The following KCNU1 variants were observed in gnomAD, a reference collection of about 807,000 sequenced individuals.
The protein encoded by KCNU1 is potassium calcium-activated channel subfamily U member 1, also known as potassium channel subfamily U member 1.
A neutral mutation model predicts 126.8 loss-of-function variants in KCNU1; 93 were observed. The ratio of observed to expected loss-of-function variants is 0.73; its 90% CI spans 0.62 to 0.87. KCNU1 has a LOEUF of 0.87. KCNU1 is among the 40% of genes least tolerant of loss of function. The pLI is 0.00. For synonymous variants in KCNU1, 523 were observed against 494.2 expected (o/e 1.06, Z -0.77); for missense variants, 1,330 against 1,367.1 (o/e 0.97, Z 0.43).
At chr8:36,871,687 C>T (rs150175581) in intron 19 of KCNU1, among the ~76,000 whole-genome samples, 1 of 152,140 alleles carries the variant, frequency 6.6e-6, no homozygotes, top group Admixed American at 6.5e-5. Context: ...TTTTAAAAAA[C>T]TAAAAACAAA....
At chr8:36,841,779 A>G (rs1423809438) in intron 16 of KCNU1, among the ~76,000 whole-genome samples, 1 of 152,182 alleles carries the variant, frequency 6.6e-6, no homozygotes, top group Non-Finnish European at 1.5e-5. Context: ...GCTTTTGTTG[A>G]TAGAGTTGAT....
At chr8:36,906,867 C>T (rs559925058) in intron 20 of KCNU1, among the ~76,000 whole-genome samples, 6 of 152,124 alleles carry the variant, frequency 3.9e-5, no homozygotes, top group Non-Finnish European at 7.4e-5. Flanking sequence ...TTATTCTGAA[C>T]TGTACGAAAT....
intron 22 of KCNU1, among the ~76,000 whole-genome samples, chr8:36,913,453 A>G (rs897176612): frequency 6.6e-6 from 1 of 152,178 alleles, no homozygotes; most frequent in Non-Finnish European, 1.5e-5. Flanking sequence ...AGAAAAGGTT[A>G]GAGAAGAATG....
In KCNU1 at chr8:36,840,950, G is replaced by T. The variant is rs1285958052; in HGVS notation, c.1650G>T (p.Met550Ile). The change falls in exon 16 of 27, where the codon ATG (methionine) becomes ATT (isoleucine). Residue 550 changes from methionine (M) to isoleucine (I), a missense_variant. Around this residue, in one of 3 missense-constraint regions of KCNU1, gnomAD observed 1,054 missense variants for 1,053.9 expected, o/e 1.00. Coordinates refer to ENST00000399881, the MANE Select transcript of KCNU1 (RefSeq NM_001031836.3). Reference sequence around the variant, plus strand: ...TTCCCAGGCTCTGCTTTCTGAAGATGCACCTCCTGTTGATAGCCATCGAAT... The same window carrying T: ...TTCCCAGGCTCTGCTTTCTGAAGATTCACCTCCTGTTGATAGCCATCGAAT... The part of the protein sequence containing the change: ...PEVARLCFLK[M>I]HLLLIAIEYK... 1 of 1,612,514 alleles carries T rather than the reference G, an allele frequency of 6.2e-7. No homozygotes were observed.
chr8:36,887,460 T>G (rs550706002), intron 19 of KCNU1, among the ~76,000 whole-genome samples: 189 of 150,680 alleles, frequency 1.3e-3, no homozygotes, highest in African/African-American at 3.8e-3. Flanking sequence ...TTGTTTTTTT[T>G]TTTTTTTTTG....
chr8:36,816,944 AAACAACAAC>A (rs148967490), intron 9 of KCNU1, among the ~76,000 whole-genome samples: 1 of 151,666 alleles, frequency 6.6e-6, no homozygotes, highest in Non-Finnish European at 1.5e-5. Context: ...AGAAAAAAAC[AAACAACAAC>A]AACAACAACA....
At chr8:36,788,486 A>G (rs1050576210) in intron 2 of KCNU1, among the ~76,000 whole-genome samples, 4 of 152,210 alleles carry the variant, frequency 2.6e-5, no homozygotes, top group Non-Finnish European at 5.9e-5. Context: ...TGCTGCCATC[A>G]GTTGGTCTTA....
rs369673928 is a variant in KCNU1 at position 36,910,969 on chromosome 8, A to G, written c.2371A>G (p.Ile791Val). The G allele has an allele frequency of 4.3e-6, 7 of 1,613,364 alleles. No individual in the cohort carries two copies. Among genetic ancestry groups the G allele is most frequent in the Non-Finnish European group, 5.9e-6 (7 of 1,179,658 alleles). The change falls in exon 22 of 27, where the codon ATA becomes GTA. Residue 791 changes from isoleucine (I) to valine (V), a missense_variant. Coordinates refer to ENST00000399881, the MANE Select transcript of KCNU1 (RefSeq NM_001031836.3). ...LYSGDLHAAN[I>V]EQCSMCAVLS... Reference sequence around the variant, plus strand: ...TTCTGGAGACCTCCATGCGGCCAACATAGAGCAATGCTCCATGTGTGCTGT... The same window carrying G: ...TTCTGGAGACCTCCATGCGGCCAACGTAGAGCAATGCTCCATGTGTGCTGT...
At chr8:36,926,171 C>T (rs527266998) in intron 24 of KCNU1, among the ~76,000 whole-genome samples, 32 of 152,116 alleles carry the variant, frequency 2.1e-4, no homozygotes, top group Admixed American at 5.9e-4. Context: ...CTGTCAAATA[C>T]GGAAGCTTAG....
At chr8:36,869,070 G>A (rs1438026698) in intron 19 of KCNU1, among the ~76,000 whole-genome samples, 1 of 152,064 alleles carries the variant, frequency 6.6e-6, no homozygotes, top group Non-Finnish European at 1.5e-5. Context: ...TAGTAAAACT[G>A]ATTTTAATTA....
At chr8:36,800,865 C>T (rs1563262440) in intron 2 of KCNU1, among the ~76,000 whole-genome samples, 1 of 152,212 alleles carries the variant, frequency 6.6e-6, no homozygotes. Context: ...CAGTAGAGTT[C>T]AGCAACGTGC....
Position 36,807,535 on chromosome 8 carries a change from TTTC to T in KCNU1, c.656+88_656+90del, listed in dbSNP as rs368228553. Reference sequence around the variant, plus strand: ...TTAACTGGACCCTAAACTCAATGCATTTCTTATCAGAATTTCAGTGCAAAGATC... The same window carrying T: ...TTAACTGGACCCTAAACTCAATGCATTTATCAGAATTTCAGTGCAAAGATC... On this transcript the variant is annotated intron_variant, in intron 6 of 26. Transcript: ENST00000399881. 300 of 963,386 alleles carry T rather than the reference TTTC, an allele frequency of 3.1e-4. 2 individuals carry two copies. In the African/African-American group the frequency reaches 4.0e-3, roughly 13 times the overall value. The allele number at this position is 963,386 out of a possible 1,614,324, so 59.7% of individuals were successfully genotyped here.
At chr8:36,804,002 A>G (rs1803406772) in intron 2 of KCNU1, 25 bp from the exon 3 acceptor site, 4 of 1,495,338 alleles carry the variant, frequency 2.7e-6, no homozygotes, top group Non-Finnish European at 3.7e-6. Flanking sequence ...GGATTTAGAC[A>G]TTTGTCCCTG....
Position 36,834,265 on chromosome 8 carries a change from G to T in KCNU1, c.1213-521G>T, listed in dbSNP as rs373305892. Among the ~76,000 whole-genome samples, 27 of 152,180 alleles carry T rather than the reference G, an allele frequency of 1.8e-4. No homozygotes were observed. The South Asian group carries it at 5.6e-3, about 32-fold the overall frequency. On this transcript the variant is annotated intron_variant, in intron 11 of 26. Coordinates refer to ENST00000399881, the MANE Select transcript of KCNU1 (RefSeq NM_001031836.3). ...CCAAGATCTATAGAGTAAACATGAA[G>T]AATTGACAGACCCAGAAAAATATTT...
Position 36,804,107 on chromosome 8 carries a change from C to T in KCNU1, c.377+19C>T. The T allele has an allele frequency of 4.0e-6, 6 of 1,504,036 alleles. No individual in the cohort carries two copies. The highest frequency in any genetic ancestry group is 5.4e-6 in the Non-Finnish European group (6 of 1,102,582). The allele number at this position is 1,504,036 out of a possible 1,614,324, so 93.2% of individuals were successfully genotyped here. On this transcript the variant is annotated intron_variant, in intron 3 of 26. Transcript: ENST00000399881. The stretch of plus-strand genomic sequence containing the variant: ...CTGCTGAGTGAGTACAATGTCCAGT[C>T]ACACTTGTCTGCTATATCAGTACAT...
At chr8:36,867,665 C>T (rs993730221) in intron 19 of KCNU1, among the ~76,000 whole-genome samples, 2 of 152,130 alleles carry the variant, frequency 1.3e-5, no homozygotes, top group Non-Finnish European at 2.9e-5. Flanking sequence ...TAATCAAACG[C>T]CACAGAAAAT....
intron 26 of KCNU1, among the ~76,000 whole-genome samples, chr8:36,935,175 C>T (rs1808815949): frequency 6.6e-6 from 1 of 152,000 alleles, no homozygotes; most frequent in South Asian, 2.1e-4. Flanking sequence ...ATCAACCAAT[C>T]CAAATCACCG....
intron 19 of KCNU1, among the ~76,000 whole-genome samples, chr8:36,873,789 A>G (rs1327954659): frequency 1.3e-5 from 2 of 152,230 alleles, no homozygotes; most frequent in South Asian, 2.1e-4. Flanking sequence ...CCCACAACCA[A>G]TTAGGTCAGC....
chr8:36,840,467 T>G lies in KCNU1; in HGVS notation c.1523T>G (p.Met508Arg), dbSNP rs770147656. The change falls in exon 15 of 27, where the codon ATG becomes AGG. Residue 508 changes from methionine to arginine, a missense_variant. This residue lies in a region of KCNU1 where 1,054 missense variants were observed against 1,053.9 expected (regional missense o/e 1.00). Coordinates refer to ENST00000399881, the MANE Select transcript of KCNU1 (RefSeq NM_001031836.3). Reference protein sequence around the residue: ...SLFVEQNKKVMPKQTWKKHFL... With the variant: ...SLFVEQNKKVRPKQTWKKHFL... ...TGGCATGATTATGTATTCCAGGTTA[T>G]GCCTAAACAGACCTGGAAGAAACAC... 1 of 1,538,246 alleles carries G rather than the reference T, an allele frequency of 6.5e-7. No homozygotes were observed. The highest frequency in any genetic ancestry group is 1.7e-5 in the Admixed American group (1 of 59,390).
Sources: allele counts gnomAD v4.1 joint callset (sites outside exome capture counted in the v4.1 genomes callset), GRCh38; gene constraint gnomAD v4.1.1; regional missense constraint gnomAD v4.1.1; transcripts MANE v1.5; gene names NCBI Gene and HGNC (gene_info 2026-07-23, HGNC 2026-07-21).